The following DLGAP2 variants were observed in gnomAD, a reference collection of about 807,000 sequenced individuals.
DLGAP2 encodes the protein DLG associated protein 2.
DLGAP2 carries 26 observed loss-of-function variants against 100.3 expected under a neutral mutation model. The ratio of observed to expected loss-of-function variants is 0.26; its 90% CI spans 0.19 to 0.36. The LOEUF (loss-of-function observed/expected upper bound fraction) is 0.36, where lower values mean the gene tolerates loss of function less well. DLGAP2 is among the 10% of genes least tolerant of loss of function. DLGAP2 has a pLI of 1.00. For missense variants in DLGAP2, 1,858 were observed against 1,453.2 expected, an observed-to-expected ratio of 1.28 and a Z score of -4.53; for synonymous variants, 886 against 630.1, an observed-to-expected ratio of 1.41 and a Z score of -6.08.
At chr8:897,266 C>T (rs1184139833) in intron 1 of DLGAP2, among the ~76,000 whole-genome samples, 2 of 152,186 alleles carry the variant, frequency 1.3e-5, no homozygotes, top group African/African-American at 2.4e-5. Context: ...CATGTTGAGG[C>T]TCCCTTCTTT....
intron 1 of DLGAP2, among the ~76,000 whole-genome samples, chr8:839,685 G>T (rs1796945569): frequency 6.6e-6 from 1 of 152,092 alleles, no homozygotes; most frequent in Non-Finnish European, 1.5e-5. Context: ...CCTCGTCCTG[G>T]TCAGCACCCT....
intron 1 of DLGAP2, among the ~76,000 whole-genome samples, chr8:760,467 A>G (rs926340913): frequency 6.6e-6 from 1 of 152,104 alleles, no homozygotes; most frequent in African/African-American, 2.4e-5. Flanking sequence ...AAAGTTTCTC[A>G]TCTTGCCTGT....
chr8:1,500,975 G>T (rs1321885117), intron 3 of DLGAP2, among the ~76,000 whole-genome samples: 10 of 152,192 alleles, frequency 6.6e-5, no homozygotes, highest in African/African-American at 2.4e-4. Context: ...GCGATGCAGG[G>T]CCCTCATGGG....
In DLGAP2 at chr8:1,629,991, G is replaced by A. The variant is rs559852086; in HGVS notation, c.1591-2836G>A. 2.0e-5 allele frequency among the ~76,000 whole-genome samples: 3 copies of A among 152,276 alleles called. No individual in the cohort carries two copies. In the East Asian group the frequency reaches 5.8e-4, roughly 29 times the overall value. On this transcript the variant is annotated intron_variant, in intron 7 of 14. Transcript: ENST00000637795. The stretch of plus-strand genomic sequence containing the variant: ...CATTTTCTCACATCTTTGTCTATCT[G>A]AAAGGATTCATCATTGGAAACAATG...
At chr8:830,556 G>A (rs561813149) in intron 1 of DLGAP2, among the ~76,000 whole-genome samples, 32 of 152,214 alleles carry the variant, frequency 2.1e-4, no homozygotes, top group African/African-American at 7.5e-4. Flanking sequence ...ATAGTTCTTG[G>A]TTTGGCAGAT....
At chr8:1,556,276 C>A (rs1339411522) in intron 5 of DLGAP2, among the ~76,000 whole-genome samples, 2 of 152,200 alleles carry the variant, frequency 1.3e-5, no homozygotes, top group African/African-American at 4.8e-5. Flanking sequence ...TCCTCTCCCT[C>A]CCAGGGCAGA....
At chr8:853,923 T>C (rs1418167153) in intron 1 of DLGAP2, among the ~76,000 whole-genome samples, 3 of 152,042 alleles carry the variant, frequency 2.0e-5, no homozygotes, top group African/African-American at 7.3e-5. Flanking sequence ...CATGAAGTCA[T>C]GAGGGTGGGG....
intron 1 of DLGAP2, among the ~76,000 whole-genome samples, chr8:756,166 G>T (rs1047348866): frequency 2.0e-5 from 3 of 152,158 alleles, no homozygotes; most frequent in Non-Finnish European, 2.9e-5. Flanking sequence ...GTGAGGATGA[G>T]CGGGTTGGGG....
At chr8:1,646,128 G>C (rs1023462568) in intron 8 of DLGAP2, among the ~76,000 whole-genome samples, 10 of 152,180 alleles carry the variant, frequency 6.6e-5, no homozygotes, top group Non-Finnish European at 1.5e-4. Context: ...GTTAGCATTT[G>C]GAGGGGTGGA....
intron 2 of DLGAP2, among the ~76,000 whole-genome samples, chr8:1,255,859 G>A: frequency 1.6e-5 from 2 of 124,996 alleles, no homozygotes; most frequent in African/African-American, 7.8e-5. Context: ...CTGCCTGGGT[G>A]CCGTGTGTGT....
At chr8:1,561,498 G>A (rs144304045) in intron 5 of DLGAP2, among the ~76,000 whole-genome samples, 1 of 152,250 alleles carries the variant, frequency 6.6e-6, no homozygotes, top group Non-Finnish European at 1.5e-5. Flanking sequence ...TCTGGGTGGA[G>A]GGAGAATCTG....
intron 2 of DLGAP2, among the ~76,000 whole-genome samples, chr8:1,207,202 C>A (rs1017933404): frequency 6.6e-6 from 1 of 152,188 alleles, no homozygotes; most frequent in African/African-American, 2.4e-5. Flanking sequence ...GTACACTGTA[C>A]CCAACGTGTA....
intron 3 of DLGAP2, among the ~76,000 whole-genome samples, chr8:1,410,665 G>A (rs1353450006): frequency 6.6e-6 from 1 of 152,168 alleles, no homozygotes; most frequent in African/African-American, 2.4e-5. Flanking sequence ...GCACATAAGT[G>A]TGTTTCACGC....
At chr8:1,298,296 A>G (rs1800239656) in intron 3 of DLGAP2, among the ~76,000 whole-genome samples, 1 of 152,152 alleles carries the variant, frequency 6.6e-6, no homozygotes, top group South Asian at 2.1e-4. Flanking sequence ...TAAACCCCCC[A>G]TACACCAAAT....
chr8:817,946 T>G (rs1796515673), intron 1 of DLGAP2, among the ~76,000 whole-genome samples: 1 of 151,970 alleles, frequency 6.6e-6, no homozygotes, highest in African/African-American at 2.4e-5. Flanking sequence ...AGCCAGGAGG[T>G]GGTGCTTTCA....
chr8:1,181,232 C>G (rs562515154), intron 2 of DLGAP2, among the ~76,000 whole-genome samples: 1 of 149,894 alleles, frequency 6.7e-6, no homozygotes, highest in African/African-American at 2.5e-5. Context: ...GGTGGCTGTG[C>G]AAGGGCAGTA....
chr8:1,132,426 G>C (rs12681748), intron 2 of DLGAP2, among the ~76,000 whole-genome samples: 34,156 of 152,018 alleles, frequency 0.22, 3,909 homozygotes, highest in African/African-American at 0.25. Flanking sequence ...GTCTTTCCTG[G>C]GTGGTTAAAA....
At chr8:1,343,725 G>A (rs563922942) in intron 3 of DLGAP2, among the ~76,000 whole-genome samples, 129 of 152,062 alleles carry the variant, frequency 8.5e-4, no homozygotes, top group African/African-American at 3.0e-3. Context: ...GGTGTTAGAG[G>A]CTCCGATGTG....
chr8:1,706,356 C>T lies in DLGAP2; in HGVS notation c.*4950C>T, dbSNP rs1208512980. On this transcript the variant is annotated 3_prime_UTR_variant, in exon 15 of 15. Transcript: ENST00000637795. Reference sequence around the variant, plus strand: ...TTAATGACATATTGGCTCTAAAGTCCTTTGAGCTCCTGGGAACAGGTGGTG... The same window carrying T: ...TTAATGACATATTGGCTCTAAAGTCTTTTGAGCTCCTGGGAACAGGTGGTG... The T allele has an allele frequency of 6.6e-6, 1 of 152,208 alleles. No individual in the cohort carries two copies. Among genetic ancestry groups the T allele is most frequent in the Non-Finnish European group, 1.5e-5 (1 of 68,058 alleles). The allele number at this position is 152,208 out of a possible 1,614,324, so 9.4% of individuals were successfully genotyped here.
Sources: gnomAD v4.1 joint callset for allele counts (sites outside exome capture counted in the v4.1 genomes callset) on GRCh38, gnomAD v4.1.1 for gene constraint, MANE v1.5 for transcripts, NCBI Gene and HGNC (gene_info 2026-07-23, HGNC 2026-07-21) for gene names.